PPARA: variants seen among roughly 807,000 people sequenced by gnomAD.
PPARA encodes the protein peroxisome proliferator activated receptor alpha.
Under a neutral mutation model 42.2 loss-of-function variants are expected in PPARA, and 22 were observed. The observed-to-expected ratio is 0.52, with a 90% CI of 0.37 to 0.74. The LOEUF (loss-of-function observed/expected upper bound fraction) is 0.74, where lower values mean the gene tolerates loss of function less well. Ranked by LOEUF, PPARA falls within the 30% of genes least tolerant of loss-of-function variation. The probability of loss-of-function intolerance (pLI) is 0.00; values close to 1 mark genes in which losing one functional copy is unlikely to be tolerated. For synonymous variants in PPARA, 242 were observed against 239.3 expected, an observed-to-expected ratio of 1.01 and a Z score of -0.10; for missense variants, 465 against 608.2, an observed-to-expected ratio of 0.76 and a Z score of 2.48.
In PPARA at chr22:46,217,580, T is replaced by C. The variant is rs547023604; in HGVS notation, c.370-683T>C. ...TACTCTTACAAAAATTCTTAGAAAG[T>C]CTTTAGTCACAAATATGGAAATGTC... On this transcript the variant is annotated intron_variant, in intron 5 of 8. Coordinates refer to ENST00000407236, the MANE Select transcript of PPARA (RefSeq NM_005036.6). Among the ~76,000 whole-genome samples, 42 of 152,278 alleles carry C rather than the reference T, an allele frequency of 2.8e-4. No homozygotes were observed. The East Asian group carries it at 3.5e-3, about 13-fold the overall frequency.
chr22:46,177,963 A>G (rs1463854812), intron 3 of PPARA, among the ~76,000 whole-genome samples: 1 of 152,162 alleles, frequency 6.6e-6, no homozygotes, highest in Non-Finnish European at 1.5e-5. Context: ...GTATCTAGCT[A>G]AGGATTTATA....
rs1363430545 is a variant in PPARA, at chr22:46,180,222, G to A, written c.-43+3386G>A. 7.5e-5 allele frequency among the ~76,000 whole-genome samples: 11 copies of A among 146,644 alleles called. No homozygotes were observed. In the East Asian group the frequency reaches 2.3e-3, roughly 30 times the overall value. ...TTTTTTTTTTTTGAGATGGAGTCTT[G>A]CTCTCCCAGGCTGGAGTACAGTGGC... On this transcript the variant is annotated intron_variant, in intron 3 of 8. Transcript: ENST00000407236. This position sits in a 1 kb window ranked among gnomAD's most constrained non-coding sequence, Gnocchi z 4.2.
At position 46,194,204 on chromosome 22, in the gene PPARA, G is replaced by A. The variant is rs1033126350; in HGVS notation, c.-42-4138G>A. On this transcript the variant is annotated intron_variant, in intron 3 of 8. Coordinates refer to ENST00000407236, the MANE Select transcript of PPARA (RefSeq NM_005036.6). Reference sequence around the variant, plus strand: ...GAAGGGCCAATTTGTTCAATGATCCGTATACAGCCAGTCCCTCTGGCCAGA... The same window carrying A: ...GAAGGGCCAATTTGTTCAATGATCCATATACAGCCAGTCCCTCTGGCCAGA... Among the ~76,000 whole-genome samples the A allele has an allele frequency of 3.9e-5, 6 of 152,204 alleles. No individual in the cohort carries two copies. In the East Asian group the frequency reaches 7.7e-4, roughly 20 times the overall value.
At chr22:46,199,478 T>A (rs1020417839) in intron 4 of PPARA, among the ~76,000 whole-genome samples, 4 of 151,680 alleles carry the variant, frequency 2.6e-5, no homozygotes, top group East Asian at 1.9e-4. Flanking sequence ...ACAAAAAAAA[T>A]TTAAAATTAA....
rs1926552600 is a variant in PPARA, at chr22:46,163,601, G to A, written c.-127+11631G>A. On this transcript the variant is annotated intron_variant, in intron 2 of 8. Coordinates refer to ENST00000407236, the MANE Select transcript of PPARA (RefSeq NM_005036.6). The surrounding 1 kb of genome is among the most constrained non-coding windows in gnomAD (Gnocchi z 4.9). ...GTAGATGATTCCCTAGACAAATGCA[G>A]GCCTTTCTCGAAGCCCCTTTCCCAG... 1 of 152,236 alleles carries A rather than the reference G, an allele frequency of 6.6e-6. No individual in the cohort carries two copies. Among genetic ancestry groups the A allele is most frequent in the South Asian group, 2.1e-4 (1 of 4,838 alleles). The allele number at this position is 152,236 out of a possible 1,614,324, so 9.4% of individuals were successfully genotyped here. A position where few individuals can be genotyped will look rare whatever the true frequency, so the allele number is the denominator to read the frequency against.
rs1294303439 is a variant in PPARA, at chr22:46,211,724, C to T, written c.209-3449C>T. Among the ~76,000 whole-genome samples the T allele has an allele frequency of 6.6e-6, 1 of 152,166 alleles. No individual in the cohort carries two copies. The highest frequency in any genetic ancestry group is 1.5e-5 in the Non-Finnish European group (1 of 68,024). On this transcript the variant is annotated intron_variant, in intron 4 of 8. Transcript: ENST00000407236. This position sits in a 1 kb window ranked among gnomAD's most constrained non-coding sequence, Gnocchi z 4.1. ...TTCTCGCCTTCTTGTCTTGCTCTGTCACCCAGGCTGGAGTGCAGTGGCACA... is the reference window on the plus strand; with the variant it reads ...TTCTCGCCTTCTTGTCTTGCTCTGTTACCCAGGCTGGAGTGCAGTGGCACA...
chr22:46,185,956 T>TATATATAC (rs1930725414), intron 3 of PPARA, among the ~76,000 whole-genome samples: 1 of 56,378 alleles, frequency 1.8e-5, no homozygotes, highest in African/African-American at 6.7e-5. Flanking sequence ...TATATATATA[T>TATATATAC]ATATATATAC....
rs1198929864 is a variant in PPARA, at chr22:46,196,445, C to T, written c.-42-1897C>T. On this transcript the variant is annotated intron_variant, in intron 3 of 8. Coordinates refer to ENST00000407236, the MANE Select transcript of PPARA (RefSeq NM_005036.6). The surrounding 1 kb of genome is among the most constrained non-coding windows in gnomAD (Gnocchi z 5.6). ...GCCACCGGCTTGGCCCTGCGCCCCGCAGCCTGAGCCACACTGGCTGCCTGT... is the reference window on the plus strand; with the variant it reads ...GCCACCGGCTTGGCCCTGCGCCCCGTAGCCTGAGCCACACTGGCTGCCTGT... Among the ~76,000 whole-genome samples, 1 of 152,264 alleles carries T rather than the reference C, an allele frequency of 6.6e-6. No individual in the cohort carries two copies. The highest frequency in any genetic ancestry group is 2.4e-5 in the African/African-American group (1 of 41,472).
chr22:46,203,000 G>A (rs568225944), intron 4 of PPARA, among the ~76,000 whole-genome samples: 15 of 152,208 alleles, frequency 9.9e-5, no homozygotes, highest in Admixed American at 3.9e-4. Flanking sequence ...ACACTGAAGC[G>A]TCCTGGTCAC....
chr22:46,169,149 A>G (rs1927580017), intron 2 of PPARA, among the ~76,000 whole-genome samples: 1 of 152,032 alleles, frequency 6.6e-6, no homozygotes, highest in African/African-American at 2.4e-5. Flanking sequence ...CATAAAATGT[A>G]CAACACAAAG....
At chr22:46,172,090 C>T (rs1928140564) in intron 2 of PPARA, among the ~76,000 whole-genome samples, 1 of 152,008 alleles carries the variant, frequency 6.6e-6, no homozygotes, top group Non-Finnish European at 1.5e-5. Flanking sequence ...TGTCCCTGGT[C>T]GGTTTCCCTA....
Position 46,200,681 on chromosome 22 carries a change from T to C in PPARA, c.208+2090T>C, listed in dbSNP as rs1932792890. On this transcript the variant is annotated intron_variant, in intron 4 of 8. Transcript: ENST00000407236. This position sits in a 1 kb window ranked among gnomAD's most constrained non-coding sequence, Gnocchi z 4.8. The stretch of plus-strand genomic sequence containing the variant: ...CTGTAATCCCAACACTTTGGGAGGC[T>C]GAGGCAGGCGGATCACCCGAGGTCA... Among the ~76,000 whole-genome samples the C allele has an allele frequency of 6.6e-6, 1 of 152,228 alleles. No homozygotes were observed. The highest frequency in any genetic ancestry group is 2.4e-5 in the African/African-American group (1 of 41,464).
Position 46,150,955 on chromosome 22 carries a change from G to T in PPARA, c.-210+303G>T. ...CTGCCCGGAACCCGAGTCCGCGGCT[G>T]TCCCTGGGGTTTGGCGCTGCGCGGA... On this transcript the variant is annotated intron_variant, in intron 1 of 8. Coordinates refer to ENST00000407236, the MANE Select transcript of PPARA (RefSeq NM_005036.6). This position sits in a 1 kb window ranked among gnomAD's most constrained non-coding sequence, Gnocchi z 7.5. The T allele has an allele frequency of 6.6e-6, 1 of 152,322 alleles. No homozygotes were observed. Among genetic ancestry groups the T allele is most frequent in the Non-Finnish European group, 1.5e-5 (1 of 68,048 alleles). The allele number at this position is 152,322 out of a possible 1,614,324, so 9.4% of individuals were successfully genotyped here.
Position 46,219,706 on chromosome 22 carries a change from G to A in PPARA, c.509-106G>A, listed in dbSNP as rs190867790. On this transcript the variant is annotated intron_variant, in intron 6 of 8. Coordinates refer to ENST00000407236, the MANE Select transcript of PPARA (RefSeq NM_005036.6). This position sits in a 1 kb window ranked among gnomAD's most constrained non-coding sequence, Gnocchi z 4.8. ...TGAAGGATGGGTCTGAACTGCCTGT[G>A]AATTTTCATTCCTGGTTTAAAGTCC... The A allele has an allele frequency of 1.5e-5, 17 of 1,160,280 alleles. No individual in the cohort carries two copies. The African/African-American group carries it at 2.3e-4, about 16-fold the overall frequency. 71.9% of individuals were successfully genotyped at this position (1,160,280 alleles called of 1,614,324 possible). A position where few individuals can be genotyped will look rare whatever the true frequency, so the allele number is the denominator to read the frequency against.
In PPARA at chr22:46,168,168, C is replaced by T. The variant is rs552546590; in HGVS notation, c.-126-8585C>T. Among the ~76,000 whole-genome samples, 11 of 149,012 alleles carry T rather than the reference C, an allele frequency of 7.4e-5. 1 individual carries two copies. In the South Asian group the frequency reaches 1.3e-3, roughly 17 times the overall value. On this transcript the variant is annotated intron_variant, in intron 2 of 8. Coordinates refer to ENST00000407236, the MANE Select transcript of PPARA (RefSeq NM_005036.6). ...GAGATGAAGACCATCCTGGCTAACA[C>T]GGTGAAACCCCATCTCTACTAAAAA...
In PPARA at chr22:46,184,838, G is replaced by T. The variant is rs932306492; in HGVS notation, c.-43+8002G>T. Among the ~76,000 whole-genome samples, 1 of 152,212 alleles carries T rather than the reference G, an allele frequency of 6.6e-6. No homozygotes were observed. Among genetic ancestry groups the T allele is most frequent in the Non-Finnish European group, 1.5e-5 (1 of 68,040 alleles). ...TCACTGCACTCCAGCCTACGCGACA[G>T]AGCAAGACTCCGTCTCAAAAAACAA... On this transcript the variant is annotated intron_variant, in intron 3 of 8. Transcript: ENST00000407236. This position sits in a 1 kb window ranked among gnomAD's most constrained non-coding sequence, Gnocchi z 4.4.
intron 2 of PPARA, chr22:46,155,936 G>A (rs1925241977): frequency 6.6e-6 from 1 of 152,192 alleles, no homozygotes; most frequent in Non-Finnish European, 1.5e-5. Context: ...AGACAGGACC[G>A]GATTTGCTCG....
In PPARA at chr22:46,243,325, A is replaced by T. The variant is rs1470326680; in HGVS notation, c.*7945A>T. 1 of 152,202 alleles carries T rather than the reference A, an allele frequency of 6.6e-6. No homozygotes were observed. The highest frequency in any genetic ancestry group is 1.5e-5 in the Non-Finnish European group (1 of 68,046). The allele number at this position is 152,202 out of a possible 1,614,324, so 9.4% of individuals were successfully genotyped here. A position where few individuals can be genotyped will look rare whatever the true frequency, so the allele number is the denominator to read the frequency against. On this transcript the variant is annotated 3_prime_UTR_variant, in exon 9 of 9. Transcript: ENST00000407236. The surrounding 1 kb of genome is among the most constrained non-coding windows in gnomAD (Gnocchi z 5.0). ...CTACTAGTGAGTGCCTTATACTCTC[A>T]GTATTTTGGGGCTTACAGCTTCTTA... is the stretch of plus-strand genomic sequence containing the variant.
chr22:46,208,288 G>A (rs1933586290), intron 4 of PPARA, among the ~76,000 whole-genome samples: 1 of 151,906 alleles, frequency 6.6e-6, no homozygotes, highest in Non-Finnish European at 1.5e-5. Context: ...TTGAGGCCAG[G>A]CCCAATCCCA....
Sources: allele counts gnomAD v4.1 joint callset (sites outside exome capture counted in the v4.1 genomes callset), GRCh38; gene constraint gnomAD v4.1.1; non-coding constraint Gnocchi (gnomAD v3.1); transcripts MANE v1.5; gene names NCBI Gene and HGNC (gene_info 2026-07-23, HGNC 2026-07-21).